AXL: variants seen among roughly 807,000 people sequenced by gnomAD.
AXL encodes the protein tyrosine-protein kinase receptor UFO.
AXL carries 52 observed loss-of-function variants against 104.5 expected under a neutral mutation model. That is an observed-to-expected ratio of 0.50 (90% confidence interval 0.40 to 0.63). The LOEUF is 0.63. AXL is among the 20% of genes least tolerant of loss of function. AXL has a pLI of 0.00. For synonymous variants in AXL, 455 were observed against 473.7 expected, an observed-to-expected ratio of 0.96 and a Z score of 0.51; for missense variants, 1,024 against 1,188.5, an observed-to-expected ratio of 0.86 and a Z score of 2.04.
rs747147655 is a variant in AXL at position 41,242,875 on chromosome 19, C to G, written c.1313-8C>G. On this transcript the variant is annotated splice_region_variant and splice_polypyrimidine_tract_variant and intron_variant, in intron 10 of 19. Coordinates refer to ENST00000301178, the MANE Select transcript of AXL (RefSeq NM_021913.5). ...CATCCATGACCTGTTCCTCATACCCCCTGATAGTGAAGGAACCTTCAACTC... is the reference window on the plus strand; with the variant it reads ...CATCCATGACCTGTTCCTCATACCCGCTGATAGTGAAGGAACCTTCAACTC... The G allele has an allele frequency of 8.7e-6, 14 of 1,614,048 alleles. No homozygotes were observed. Among genetic ancestry groups the G allele is most frequent in the African/African-American group, 1.3e-5 (1 of 74,944 alleles).
rs775032851 is a variant in AXL, at chr19:41,237,952, G to A, written c.792G>A (p.Leu264=). 2.5e-6 allele frequency: 4 copies of A among 1,613,862 alleles called. No individual in the cohort carries two copies. The highest frequency in any genetic ancestry group is 1.7e-6 in the Non-Finnish European group (2 of 1,179,920). ...PLTHCTLQAV[L]SDDGMGIQAG... ...CCCTTGCCTCTCCTCAGGCTGTGCT[G>A]TCAGACGATGGGATGGGCATCCAGG... The change falls in exon 7 of 20, where the codon CTG becomes CTA. Residue 264 remains leucine (L), a synonymous_variant. Coordinates refer to ENST00000301178, the MANE Select transcript of AXL (RefSeq NM_021913.5).
At chr19:41,247,303 C>T (rs533666323) in intron 12 of AXL, among the ~76,000 whole-genome samples, 1 of 152,224 alleles carries the variant, frequency 6.6e-6, no homozygotes, top group South Asian at 2.1e-4. Flanking sequence ...CACCTGAGGT[C>T]GGGAGTTCCA....
chr19:41,225,285 G>A (rs1026537241), intron 4 of AXL, among the ~76,000 whole-genome samples: 29 of 152,244 alleles, frequency 1.9e-4, no homozygotes, highest in African/African-American at 6.3e-4. Context: ...GATTACAGGC[G>A]TGAGCCACCG....
chr19:41,230,858 G>T, intron 4 of AXL, 109 bp from the exon 5 acceptor site: 2 of 1,136,038 alleles, frequency 1.8e-6, no homozygotes, highest in Non-Finnish European at 2.6e-6. Flanking sequence ...GCCTGTGTGG[G>T]CTGCACTGCC....
chr19:41,233,443 G>C (rs866854767), intron 6 of AXL, among the ~76,000 whole-genome samples: 11 of 151,470 alleles, frequency 7.3e-5, no homozygotes, highest in African/African-American at 9.7e-5. Flanking sequence ...CCAGCACTTC[G>C]GGGGGCTGAG....
chr19:41,222,140 G>C (rs1399830397), intron 4 of AXL, 84 bp downstream of exon 4: 2 of 1,352,270 alleles, frequency 1.5e-6, no homozygotes, highest in Non-Finnish European at 2.0e-6. Flanking sequence ...CTACCTCTGC[G>C]TGAGTGTCTG....
chr19:41,259,289 G>T (rs1333822543), intron 19 of AXL, among the ~76,000 whole-genome samples: 6 of 152,160 alleles, frequency 3.9e-5, no homozygotes, highest in Admixed American at 3.9e-4. Flanking sequence ...TGGAAGGTCT[G>T]TTCTAGCAAA....
intron 4 of AXL, among the ~76,000 whole-genome samples, chr19:41,227,499 T>C (rs2033903221): frequency 6.6e-6 from 1 of 151,528 alleles, no homozygotes; most frequent in Non-Finnish European, 1.5e-5. Context: ...TTTTTTTTTT[T>C]TTTTTAGACA....
At chr19:41,240,175 G>A (rs2034157284) in intron 10 of AXL, among the ~76,000 whole-genome samples, 2 of 150,578 alleles carry the variant, frequency 1.3e-5, no homozygotes, top group African/African-American at 4.9e-5. Flanking sequence ...ACAGATAAAT[G>A]ACTGGATGGT....
intron 14 of AXL, 25 bp downstream of exon 14, chr19:41,248,845 A>AC (rs937068213): frequency 1.9e-6 from 3 of 1,576,180 alleles, no homozygotes; most frequent in African/African-American, 2.7e-5. Flanking sequence ...CATGTGTAGG[A>AC]CCCCCAGCTC....
In AXL at chr19:41,219,490, G is replaced by T; in HGVS notation, c.85+13G>T. On this transcript the variant is annotated intron_variant, in intron 1 of 19. Transcript: ENST00000301178. ...ATGGCCCCCAGGGGTGAGTGATGGGGGCTCCTTGGGGCAGGGATCCCCTCG... is the reference window on the plus strand; with the variant it reads ...ATGGCCCCCAGGGGTGAGTGATGGGTGCTCCTTGGGGCAGGGATCCCCTCG... 6.3e-7 allele frequency: 1 copy of T among 1,595,566 alleles called. No homozygotes were observed. Among genetic ancestry groups the T allele is most frequent in the East Asian group, 2.3e-5 (1 of 43,966 alleles).
Position 41,259,442 on chromosome 19 carries a change from C to A in AXL, c.2334-111C>A, listed in dbSNP as rs2122297597. 6 of 890,218 alleles carry A rather than the reference C, an allele frequency of 6.7e-6. No homozygotes were observed. In the South Asian group the frequency reaches 8.8e-5, roughly 13 times the overall value. 55.1% of individuals were successfully genotyped at this position (890,218 alleles called of 1,614,324 possible). On this transcript the variant is annotated intron_variant, in intron 19 of 19. Coordinates refer to ENST00000301178, the MANE Select transcript of AXL (RefSeq NM_021913.5). ...CTCAAACTGCTGAGGCTCCCTATAA[C>A]CCTCTAAAATGCCCCCAGTCCCCTG...
rs751960142 is a variant in AXL, at chr19:41,248,625, G to C, written c.1633+16G>C. 5.6e-6 allele frequency: 9 copies of C among 1,613,500 alleles called. No individual in the cohort carries two copies. The highest frequency in any genetic ancestry group is 7.6e-6 in the Non-Finnish European group (9 of 1,179,514). On this transcript the variant is annotated intron_variant, in intron 13 of 19. Coordinates refer to ENST00000301178, the MANE Select transcript of AXL (RefSeq NM_021913.5). Reference sequence around the variant, plus strand: ...CTGGGAGAGGGTGAGTCCCCCGGCAGCATACACACATCCTTCTGAACTTCT... The same window carrying C: ...CTGGGAGAGGGTGAGTCCCCCGGCACCATACACACATCCTTCTGAACTTCT...
At chr19:41,255,625 G>C (rs183105703) in intron 17 of AXL, among the ~76,000 whole-genome samples, 139 of 152,070 alleles carry the variant, frequency 9.1e-4, no homozygotes, top group African/African-American at 3.2e-3. Flanking sequence ...TTTTTTTGTA[G>C]AGACAGGGTC....
chr19:41,241,277 C>T (rs1352744427), intron 10 of AXL, among the ~76,000 whole-genome samples: 2 of 152,150 alleles, frequency 1.3e-5, no homozygotes, highest in African/African-American at 4.8e-5. Flanking sequence ...TGCAATGGCT[C>T]ACGCCTGTAA....
At chr19:41,249,327 C>T (rs532468098) in intron 14 of AXL, among the ~76,000 whole-genome samples, 4 of 152,184 alleles carry the variant, frequency 2.6e-5, no homozygotes, top group South Asian at 2.1e-4. Flanking sequence ...TGGTGGCACA[C>T]GCCTGTAGTC....
intron 7 of AXL, 50 bp from the exon 8 acceptor site, chr19:41,238,420 G>C: frequency 1.3e-6 from 2 of 1,588,928 alleles, no homozygotes; most frequent in Non-Finnish European, 1.7e-6. Context: ...ACAGGGGAGG[G>C]GGTCAGGAAG....
At chr19:41,230,884 C>A in intron 4 of AXL, 83 bp from the exon 5 acceptor site, 1 of 1,440,854 alleles carries the variant, frequency 6.9e-7, no homozygotes, top group Non-Finnish European at 9.7e-7. Context: ...TCAGGCAGGC[C>A]ATGGTAGGAG....
intron 18 of AXL, 54 bp downstream of exon 18, chr19:41,256,665 T>C (rs574657176): frequency 3.8e-6 from 6 of 1,596,142 alleles, no homozygotes; most frequent in South Asian, 1.1e-5. Context: ...GGCCTGACCA[T>C]CACACACTAT....
Sources: allele counts gnomAD v4.1 joint callset (sites outside exome capture counted in the v4.1 genomes callset), GRCh38; gene constraint gnomAD v4.1.1; transcripts MANE v1.5; gene names NCBI Gene and HGNC (gene_info 2026-07-23, HGNC 2026-07-21).